Variants in PTPRD observed in about 807,000 individuals in gnomAD.
The protein encoded by PTPRD is protein tyrosine phosphatase receptor type D.
PTPRD carries 34 observed loss-of-function variants against 214.5 expected under a neutral mutation model. That is an observed-to-expected ratio of 0.16 (90% CI 0.12 to 0.21). PTPRD has a LOEUF of 0.21. Ranked by LOEUF, PTPRD falls within the 10% of genes least tolerant of loss-of-function variation. PTPRD has a pLI of 1.00. For missense variants in PTPRD, 2,545 were observed against 2,398.7 expected, an observed-to-expected ratio of 1.06 and a Z score of -1.27; for synonymous variants, 1,128 against 845.7, an observed-to-expected ratio of 1.33 and a Z score of -5.79.
intron 2 of PTPRD, among the ~76,000 whole-genome samples, chr9:10,363,004 A>G (rs2097425949): frequency 6.6e-6 from 1 of 152,204 alleles, no homozygotes; most frequent in Non-Finnish European, 1.5e-5. Context: ...GAAGTCTGCT[A>G]TTTATAATGT....
intron 10 of PTPRD, among the ~76,000 whole-genome samples, chr9:9,168,821 A>C (rs1050471407): frequency 6.6e-6 from 1 of 152,078 alleles, no homozygotes; most frequent in African/African-American, 2.4e-5. Flanking sequence ...CATTTGAATA[A>C]GACCTTAAAT....
chr9:9,977,106 G>C (rs947931015), intron 4 of PTPRD, among the ~76,000 whole-genome samples: 12 of 152,130 alleles, frequency 7.9e-5, no homozygotes, highest in African/African-American at 2.9e-4. Flanking sequence ...AAAAATTTAA[G>C]AGCATTATGT....
intron 8 of PTPRD, among the ~76,000 whole-genome samples, chr9:9,530,321 G>A (rs1003922492): frequency 6.6e-6 from 1 of 152,096 alleles, no homozygotes; most frequent in Non-Finnish European, 1.5e-5. Flanking sequence ...CAATGATATT[G>A]CAGAAATACA....
intron 3 of PTPRD, among the ~76,000 whole-genome samples, chr9:10,261,431 C>G (rs1197312138): frequency 1.3e-5 from 2 of 151,930 alleles, no homozygotes; most frequent in African/African-American, 4.8e-5. Context: ...ACATTAAAAT[C>G]AGACATAGAT....
At chr9:9,383,377 G>A (rs1486211175) in intron 9 of PTPRD, among the ~76,000 whole-genome samples, 1 of 151,944 alleles carries the variant, frequency 6.6e-6, no homozygotes, top group Non-Finnish European at 1.5e-5. Context: ...AGCATACTAT[G>A]GACATACAAG....
At chr9:9,679,347 G>C (rs1032063350) in intron 7 of PTPRD, among the ~76,000 whole-genome samples, 4 of 151,552 alleles carry the variant, frequency 2.6e-5, no homozygotes, top group Admixed American at 6.6e-5. Flanking sequence ...ATACATATGA[G>C]ATCAGTAACA....
intron 44 of PTPRD, 109 bp downstream of exon 44, chr9:8,331,473 C>A: frequency 7.9e-7 from 1 of 1,264,416 alleles, no homozygotes; most frequent in Non-Finnish European, 1.1e-6. Flanking sequence ...TTTTGTAATA[C>A]ATTGCCAAGA....
At chr9:8,532,557 T>C (rs537602118) in intron 14 of PTPRD, among the ~76,000 whole-genome samples, 4 of 152,246 alleles carry the variant, frequency 2.6e-5, no homozygotes, top group Non-Finnish European at 4.4e-5. Flanking sequence ...TTTAAACTTT[T>C]ACATGAGGTG....
At chr9:9,014,186 TG>T (rs71500975) in intron 11 of PTPRD, among the ~76,000 whole-genome samples, 5,489 of 71,912 alleles carry the variant, frequency 0.076, 148 homozygotes, top group Middle Eastern at 0.21. Flanking sequence ...CGTTTTTTTT[TG>T]TTTGTTTGTT....
chr9:8,877,233 G>A (rs76044653), intron 11 of PTPRD, among the ~76,000 whole-genome samples: 1,554 of 152,236 alleles, frequency 0.01, 21 homozygotes, highest in South Asian at 0.029. Context: ...CCTGTTTTAC[G>A]TTTTAAATCA....
chr9:9,938,350 T>A (rs372474246), intron 5 of PTPRD, among the ~76,000 whole-genome samples, 157 bp downstream of exon 5: 140 of 152,346 alleles, frequency 9.2e-4, no homozygotes, highest in African/African-American at 3.1e-3. Flanking sequence ...CACTATCGAA[T>A]TTTAAAATTA....
chr9:8,986,213 G>A (rs921561256), intron 11 of PTPRD, among the ~76,000 whole-genome samples: 3 of 152,110 alleles, frequency 2.0e-5, no homozygotes, highest in South Asian at 2.1e-4. Flanking sequence ...TTTCTCAACT[G>A]TCTATGAACT....
rs149838471 is a variant in PTPRD at position 10,133,973 on chromosome 9, T to G, written c.-544-100183A>C. ...TACATACTTTTTTTCATTCAAGCAA[T>G]GTTTTATCAAAACTAGTATGTAAAA... is the stretch of plus-strand genomic sequence containing the variant. On this transcript the variant is annotated intron_variant, in intron 3 of 45. Transcript: ENST00000381196. Among the ~76,000 whole-genome samples, 612 of 152,244 alleles carry G rather than the reference T, an allele frequency of 4.0e-3. 6 individuals carry two copies. Among genetic ancestry groups the G allele is most frequent in the African/African-American group, 0.014 (586 of 41,524 alleles).
intron 26 of PTPRD, among the ~76,000 whole-genome samples, chr9:8,494,197 T>G (rs2097210007): frequency 6.6e-6 from 1 of 152,188 alleles, no homozygotes; most frequent in African/African-American, 2.4e-5. Context: ...TAGGTTTTTT[T>G]TTAGCAAGGC....
intron 11 of PTPRD, among the ~76,000 whole-genome samples, chr9:8,735,030 G>T (rs529151214): frequency 6.6e-6 from 1 of 152,060 alleles, no homozygotes; most frequent in African/African-American, 2.4e-5. Flanking sequence ...CATGCACGGG[G>T]CCCCCTGGAA....
At chr9:8,512,900 C>CA (rs2097709918) in intron 21 of PTPRD, among the ~76,000 whole-genome samples, 1 of 151,950 alleles carries the variant, frequency 6.6e-6, no homozygotes, top group Non-Finnish European at 1.5e-5. Flanking sequence ...ACTTCTTTGT[C>CA]AGAGTTTTAT....
intron 5 of PTPRD, among the ~76,000 whole-genome samples, chr9:9,858,868 C>A (rs1469179823): frequency 6.6e-6 from 1 of 152,100 alleles, no homozygotes; most frequent in Admixed American, 6.5e-5. Flanking sequence ...CCAACCCATC[C>A]ATTTCACAGA....
At chr9:8,372,269 T>C (rs2081785514) in intron 39 of PTPRD, among the ~76,000 whole-genome samples, 2 of 152,010 alleles carry the variant, frequency 1.3e-5, no homozygotes, top group South Asian at 2.1e-4. Flanking sequence ...CAAATTCATG[T>C]TGAATTTTTC....
At chr9:9,654,145 TATA>T (rs1043339719) in intron 7 of PTPRD, among the ~76,000 whole-genome samples, 10 of 152,134 alleles carry the variant, frequency 6.6e-5, no homozygotes, top group Non-Finnish European at 1.2e-4. Flanking sequence ...CAGGCTACAT[TATA>T]ATGTTTCTTT....
Sources: gnomAD v4.1 joint callset for allele counts (sites outside exome capture counted in the v4.1 genomes callset) on GRCh38, gnomAD v4.1.1 for gene constraint, MANE v1.5 for transcripts, NCBI Gene and HGNC (gene_info 2026-07-23, HGNC 2026-07-21) for gene names.